The following SYT6 variants were observed in gnomAD, a reference collection of about 807,000 sequenced individuals.
The protein encoded by SYT6 is synaptotagmin 6.
Under a neutral mutation model 38.4 loss-of-function variants are expected in SYT6, and 24 were observed. That is an observed-to-expected ratio of 0.62 (90% CI 0.45 to 0.88). SYT6 has a LOEUF of 0.88. SYT6 is among the 40% of genes least tolerant of loss of function. The probability of loss-of-function intolerance (pLI) is 0.00; values close to 1 mark genes in which losing one functional copy is unlikely to be tolerated. For missense variants in SYT6, 611 were observed against 621.0 expected (o/e 0.98, Z 0.17); for synonymous variants, 265 against 241.9 (o/e 1.10, Z -0.89).
At chr1:114,093,898 A>G in intron 6 of SYT6, 95 bp from the exon 7 acceptor site, 1 of 1,129,038 alleles carries the variant, frequency 8.9e-7, no homozygotes, top group Non-Finnish European at 1.3e-6. Flanking sequence ...ACAACACATG[A>G]TTACTAATGC....
chr1:114,145,516 TTTTTTTTTTTA>T (rs1557770362), intron 1 of SYT6, among the ~76,000 whole-genome samples: 2 of 120,514 alleles, frequency 1.7e-5, no homozygotes, highest in African/African-American at 7.8e-5. Context: ...TTTTTTTTTT[TTTTTTTTTTTA>T]ACCTGTTATG....
chr1:114,114,515 G>T (rs1676877320), intron 3 of SYT6, among the ~76,000 whole-genome samples: 1 of 152,220 alleles, frequency 6.6e-6, no homozygotes, highest in Non-Finnish European at 1.5e-5. Flanking sequence ...TGTGGTTATT[G>T]AGATGGTGTC....
At chr1:114,130,399 T>G (rs566571809) in intron 3 of SYT6, among the ~76,000 whole-genome samples, 9 of 152,188 alleles carry the variant, frequency 5.9e-5, no homozygotes, top group Non-Finnish European at 7.3e-5. Context: ...TCCCGAGTGA[T>G]TCCTCCTTTG....
chr1:114,107,168 T>C (rs1204123599), intron 3 of SYT6, among the ~76,000 whole-genome samples: 2 of 151,458 alleles, frequency 1.3e-5, no homozygotes, highest in Non-Finnish European at 2.9e-5. Flanking sequence ...TTTGGGGGAG[T>C]CTGAGTTGAT....
intron 3 of SYT6, among the ~76,000 whole-genome samples, chr1:114,124,938 G>T (rs117827541): frequency 1.1e-3 from 174 of 152,360 alleles, no homozygotes; most frequent in African/African-American, 4.1e-3. Flanking sequence ...CAAGGCAGGG[G>T]TGAGGAATGA....
rs572027042 is a variant in SYT6 at position 114,092,063 on chromosome 1, C to G, written c.*71G>C. On this transcript the variant is annotated 3_prime_UTR_variant, in exon 8 of 8. Coordinates refer to ENST00000610222, the MANE Select transcript of SYT6 (RefSeq NM_001253772.2). ...TGGGCACGAGCTCTCACTGTCGAAG[C>G]TAGCAGCTCGGCCCTGCCACTGCAA... The G allele has an allele frequency of 1.3e-6, 2 of 1,536,270 alleles. No homozygotes were observed. Among genetic ancestry groups the G allele is most frequent in the South Asian group, 1.2e-5 (1 of 84,050 alleles).
intron 1 of SYT6, among the ~76,000 whole-genome samples, chr1:114,145,649 T>G (rs1055125497): frequency 6.6e-6 from 1 of 152,132 alleles, no homozygotes; most frequent in Non-Finnish European, 1.5e-5. Context: ...TCTGGCCATC[T>G]CTAGCCCTTC....
chr1:114,118,947 C>T (rs533745515), intron 3 of SYT6, among the ~76,000 whole-genome samples: 12 of 152,314 alleles, frequency 7.9e-5, no homozygotes, highest in Admixed American at 7.8e-4. Context: ...GGGGTGGCTC[C>T]TATGTCTCCG....
intron 3 of SYT6, among the ~76,000 whole-genome samples, chr1:114,112,777 A>G (rs539230433): frequency 6.6e-6 from 1 of 152,346 alleles, no homozygotes; most frequent in East Asian, 1.9e-4. Flanking sequence ...GTTAATGATG[A>G]AAATCCATCT....
intron 1 of SYT6, among the ~76,000 whole-genome samples, chr1:114,143,258 A>G (rs1678966029): frequency 6.7e-6 from 1 of 149,286 alleles, no homozygotes; most frequent in Admixed American, 6.7e-5. Flanking sequence ...TTTATAAAAT[A>G]TACTTTAGTC....
At position 114,090,752 on chromosome 1, in the gene SYT6, G is replaced by A. The variant is rs540826542; in HGVS notation, c.*1382C>T. 2.6e-5 allele frequency: 4 copies of A among 152,458 alleles called. No individual in the cohort carries two copies. The highest frequency in any genetic ancestry group is 9.6e-5 in the African/African-American group (4 of 41,558). The allele number at this position is 152,458 out of a possible 1,614,324, so 9.4% of individuals were successfully genotyped here. A position where few individuals can be genotyped will look rare whatever the true frequency, so the allele number is the denominator to read the frequency against. On this transcript the variant is annotated 3_prime_UTR_variant, in exon 8 of 8. Coordinates refer to ENST00000610222, the MANE Select transcript of SYT6 (RefSeq NM_001253772.2). ...CTGGGGTTATACAAACTGAGATTGA[G>A]CAAATCAACCTGGTTTTAGGGGTTG... is the stretch of plus-strand genomic sequence containing the variant.
At chr1:114,128,123 T>A (rs925310802) in intron 3 of SYT6, among the ~76,000 whole-genome samples, 3 of 152,200 alleles carry the variant, frequency 2.0e-5, no homozygotes, top group African/African-American at 7.2e-5. Flanking sequence ...GGAGCAGTCT[T>A]CATGGGTTTG....
At chr1:114,092,308 T>C (rs1199811478) in intron 7 of SYT6, among the ~76,000 whole-genome samples, 2 of 115,362 alleles carry the variant, frequency 1.7e-5, no homozygotes, top group African/African-American at 8.7e-5. Flanking sequence ...TAAAGCTTTC[T>C]TAACTCTCTC....
In SYT6 at chr1:114,137,621, A is replaced by T; in HGVS notation, c.945T>A (p.Ser315Arg). Residue 315 changes from serine to arginine, a missense_variant, in exon 3 of 8, where the codon AGT becomes AGA. Physicochemically the swap from Ser to Arg is moderately radical, Grantham distance 110 (BLOSUM62 -1). Transcript: ENST00000610222. ...EELADRKLHL[S>R]VFDFDRFSRH... ...GGGAGAAGCGGTCAAAGTCGAAGACACTGAGATGCAGCTTGCGGTCAGCCA... is the reference window on the plus strand; with the variant it reads ...GGGAGAAGCGGTCAAAGTCGAAGACTCTGAGATGCAGCTTGCGGTCAGCCA... The T allele has an allele frequency of 6.2e-7, 1 of 1,614,250 alleles. No homozygotes were observed. Among genetic ancestry groups the T allele is most frequent in the Non-Finnish European group, 8.5e-7 (1 of 1,180,050 alleles).
At chr1:114,112,110 G>C (rs981755860) in intron 3 of SYT6, among the ~76,000 whole-genome samples, 11 of 152,330 alleles carry the variant, frequency 7.2e-5, no homozygotes, top group Admixed American at 3.3e-4. Context: ...TCTGCCCCAA[G>C]GGCCTTGCAG....
chr1:114,109,459 T>G (rs1236454013), intron 3 of SYT6, among the ~76,000 whole-genome samples: 1 of 152,218 alleles, frequency 6.6e-6, no homozygotes, highest in Non-Finnish European at 1.5e-5. Context: ...TAAGTACTCC[T>G]AAGAGAGTAG....
At chr1:114,143,184 G>A (rs979231802) in intron 1 of SYT6, among the ~76,000 whole-genome samples, 2 of 139,832 alleles carry the variant, frequency 1.4e-5, no homozygotes, top group Non-Finnish European at 3.0e-5. Context: ...ATAGACTACA[G>A]TATATTTTAT....
chr1:114,129,621 CTTTCTTTCTTTCTTTCTTTCT>C (rs1557756323), intron 3 of SYT6, among the ~76,000 whole-genome samples: 1 of 48,264 alleles, frequency 2.1e-5, no homozygotes, highest in East Asian at 5.6e-4. Flanking sequence ...TCTTTCCTTT[CTTTCTTTCTTTCTTTCTTTCT>C]CTTTCTTTCT....
intron 7 of SYT6, among the ~76,000 whole-genome samples, chr1:114,092,752 T>C (rs1329617548): frequency 6.6e-6 from 1 of 152,174 alleles, no homozygotes; most frequent in African/African-American, 2.4e-5. Context: ...TGAGGCGTAA[T>C]GGAGTGAAGG....
Sources: allele counts gnomAD v4.1 joint callset (sites outside exome capture counted in the v4.1 genomes callset), GRCh38; gene constraint gnomAD v4.1.1; transcripts MANE v1.5; gene names NCBI Gene and HGNC (gene_info 2026-07-23, HGNC 2026-07-21).